Variants in GPLD1 observed in about 807,000 individuals in gnomAD.
GPLD1 encodes the protein glycosylphosphatidylinositol specific phospholipase D1, also known as phosphatidylinositol-glycan-specific phospholipase D.
Under a neutral mutation model 112.6 loss-of-function variants are expected in GPLD1, and 84 were observed. The observed-to-expected ratio is 0.75, with a 90% confidence interval of 0.63 to 0.89. The LOEUF (loss-of-function observed/expected upper bound fraction) is 0.89. GPLD1 is among the 40% of genes least tolerant of loss of function. The probability of loss-of-function intolerance (pLI) is 0.00; values close to 1 mark genes in which losing one functional copy is unlikely to be tolerated. For synonymous variants in GPLD1, 386 were observed against 403.8 expected, an observed-to-expected ratio of 0.96 and a Z score of 0.53; for missense variants, 1,044 against 1,051.5, an observed-to-expected ratio of 0.99 and a Z score of 0.10.
chr6:24,433,831 C>G (rs1010984195), intron 22 of GPLD1, among the ~76,000 whole-genome samples: 9 of 152,044 alleles, frequency 5.9e-5, no homozygotes, highest in Admixed American at 5.2e-4. Context: ...TACAAATGTG[C>G]ATGCCCTTTG....
chr6:24,495,256 T>C, upstream of GPLD1: 1 of 1,529,560 alleles, frequency 6.5e-7, no homozygotes, highest in African/African-American at 1.4e-5. Context: ...GGCGCCGCTC[T>C]GGGCATGGTA....
At chr6:24,429,825 G>C (rs1049841920) in intron 24 of GPLD1, among the ~76,000 whole-genome samples, 1 of 152,206 alleles carries the variant, frequency 6.6e-6, no homozygotes, top group African/African-American at 2.4e-5. Flanking sequence ...TGAAATTACA[G>C]ATGTGAGCCA....
At chr6:24,455,873 AC>A (rs1455007030) in intron 13 of GPLD1, among the ~76,000 whole-genome samples, 5 of 152,190 alleles carry the variant, frequency 3.3e-5, no homozygotes, top group African/African-American at 1.2e-4. Context: ...CAATAACTTA[AC>A]CATTAAATTA....
At chr6:24,494,797 T>G (rs1764648172) in intron 1 of GPLD1, 2 of 533,350 alleles carry the variant, frequency 3.7e-6, no homozygotes, top group Non-Finnish European at 5.6e-6. Flanking sequence ...TAGGGCAAGG[T>G]GCAGAGGGCG....
upstream of GPLD1, among the ~76,000 whole-genome samples, chr6:24,490,751 CAA>C (rs35483701): frequency 3.3e-4 from 44 of 134,888 alleles, no homozygotes; most frequent in Admixed American, 3.1e-4. Context: ...GACCCTGTCT[CAA>C]AAAAAAAAAA....
chr6:24,475,007 G>A (rs1477606403), intron 5 of GPLD1, 114 bp downstream of exon 5: 1 of 637,956 alleles, frequency 1.6e-6, no homozygotes, highest in Non-Finnish European at 2.9e-6. Flanking sequence ...CACTGCTTTG[G>A]GCAGAAGTCT....
At chr6:24,473,781 C>T (rs1407190166) in intron 5 of GPLD1, 114 bp from the exon 6 acceptor site, 4 of 606,204 alleles carry the variant, frequency 6.6e-6, no homozygotes, top group African/African-American at 1.9e-5. Context: ...CTGCTGAGGA[C>T]GCATAATAGA....
chr6:24,424,221 T>C (rs768779055), downstream of GPLD1: 1 of 51,728 alleles, frequency 1.9e-5, no homozygotes, highest in Non-Finnish European at 4.1e-5. Context: ...ATTTGCCCCC[T>C]TTTTTTTATA....
chr6:24,460,452 G>A, intron 11 of GPLD1, 53 bp from the exon 12 acceptor site: 6 of 1,576,586 alleles, frequency 3.8e-6, no homozygotes, highest in Admixed American at 1.8e-5. Context: ...ACAACCCCCT[G>A]TAAAACTGAG....
intron 2 of GPLD1, among the ~76,000 whole-genome samples, chr6:24,483,402 G>T (rs1764266496): frequency 6.6e-6 from 1 of 151,118 alleles, no homozygotes. Context: ...AGAAAGGCCA[G>T]GTGCAGTGGC....
At chr6:24,479,098 C>T (rs942506309) in intron 3 of GPLD1, among the ~76,000 whole-genome samples, 1 of 152,018 alleles carries the variant, frequency 6.6e-6, no homozygotes, top group African/African-American at 2.4e-5. Flanking sequence ...AGAAACATTC[C>T]AAACCCCTCC....
intron 12 of GPLD1, among the ~76,000 whole-genome samples, chr6:24,459,110 A>C (rs975986140): frequency 6.6e-6 from 1 of 152,138 alleles, no homozygotes; most frequent in Non-Finnish European, 1.5e-5. Context: ...CCAACACCTG[A>C]AACTTTCCCA....
At chr6:24,467,020 T>A in intron 8 of GPLD1, 81 bp from the exon 9 acceptor site, 5 of 1,227,256 alleles carry the variant, frequency 4.1e-6, no homozygotes, top group Non-Finnish European at 6.0e-6. Flanking sequence ...AAAAGTTCCA[T>A]CCACCCTTTT....
At chr6:24,441,256 G>A (rs2127324373) in intron 20 of GPLD1, among the ~76,000 whole-genome samples, 1 of 150,822 alleles carries the variant, frequency 6.6e-6, no homozygotes, top group South Asian at 2.1e-4. Context: ...CAGTGAGCTT[G>A]AGATCACACC....
At chr6:24,474,956 A>T (rs1317031132) in intron 5 of GPLD1, among the ~76,000 whole-genome samples, 165 bp downstream of exon 5, 2 of 152,046 alleles carry the variant, frequency 1.3e-5, no homozygotes, top group Non-Finnish European at 1.5e-5. Context: ...CAAAAAAAAA[A>T]AAAAAAGGAA....
rs1433219188 is a variant in GPLD1 at position 24,456,484 on chromosome 6, A to G, written c.1148+14T>C. 6.5e-7 allele frequency: 1 copy of G among 1,535,820 alleles called. No individual in the cohort carries two copies. The highest frequency in any genetic ancestry group is 1.2e-5 in the South Asian group (1 of 83,696). On this transcript the variant is annotated intron_variant, in intron 13 of 24. Transcript: ENST00000230036. The stretch of plus-strand genomic sequence containing the variant: ...TGAAGAAAACATTCACAAGTTAGAT[A>G]AACTTATACGTACCAGCCAAGCCTC...
At chr6:24,489,666 C>A, upstream of GPLD1, 1 of 1,295,704 alleles carries the variant, frequency 7.7e-7, no homozygotes, top group Non-Finnish European at 1.0e-6. Flanking sequence ...TATCGTTTTC[C>A]AATGAAGTCA....
chr6:24,432,625 TC>T (rs951407854), intron 24 of GPLD1, among the ~76,000 whole-genome samples: 3 of 152,040 alleles, frequency 2.0e-5, no homozygotes, highest in African/African-American at 7.2e-5. Flanking sequence ...AAGAAAAAAC[TC>T]TGAAAGTCTG....
chr6:24,460,204 C>T, intron 12 of GPLD1, 75 bp downstream of exon 12: 1 of 1,533,808 alleles, frequency 6.5e-7, no homozygotes, highest in Non-Finnish European at 9.0e-7. Context: ...CAAATAAATA[C>T]CCAGGGACTC....
Sources: gnomAD v4.1 joint callset for allele counts (sites outside exome capture counted in the v4.1 genomes callset) on GRCh38, gnomAD v4.1.1 for gene constraint, MANE v1.5 for transcripts, NCBI Gene and HGNC (gene_info 2026-07-23, HGNC 2026-07-21) for gene names.